The following RFC3 variants were observed in gnomAD, a reference collection of about 807,000 sequenced individuals.
The protein encoded by RFC3 is A1 38 kDa subunit.
RFC3 carries 41 observed loss-of-function variants against 45.1 expected under a neutral mutation model. The observed-to-expected ratio is 0.91, with a 90% confidence interval of 0.71 to 1.18. The LOEUF (loss-of-function observed/expected upper bound fraction) is 1.18. Ranked by LOEUF, RFC3 falls within the 50% of genes most tolerant of loss-of-function variation. RFC3 has a pLI of 0.00. For missense variants in RFC3, 423 were observed against 428.1 expected (o/e 0.99, Z 0.10); for synonymous variants, 149 against 144.0 (o/e 1.03, Z -0.25).
At chr13:33,860,192 G>C (rs568472067) in intron 8 of RFC3, among the ~76,000 whole-genome samples, 1 of 152,118 alleles carries the variant, frequency 6.6e-6, no homozygotes, top group East Asian at 1.9e-4. Context: ...TCCACCTGTG[G>C]CATTTTGTTT....
At chr13:33,939,473 G>A (rs1306131864) in intron 8 of RFC3, among the ~76,000 whole-genome samples, 3 of 152,200 alleles carry the variant, frequency 2.0e-5, no homozygotes, top group Non-Finnish European at 2.9e-5. Flanking sequence ...GGCTCTCTCT[G>A]TGTGACTCCC....
downstream of RFC3, among the ~76,000 whole-genome samples, chr13:33,970,909 A>T (rs1030132846): frequency 2.6e-5 from 4 of 152,200 alleles, no homozygotes; most frequent in East Asian, 1.9e-4. Flanking sequence ...AGCCAAAGAG[A>T]TGTCAGTCCT....
chr13:33,824,936 T>C (rs907937830), intron 3 of RFC3, among the ~76,000 whole-genome samples: 1 of 152,154 alleles, frequency 6.6e-6, no homozygotes, highest in Non-Finnish European at 1.5e-5. Context: ...GATTCTTGGC[T>C]AGGAAAATGA....
At chr13:33,886,324 A>T (rs145336487) in intron 8 of RFC3, among the ~76,000 whole-genome samples, 3,085 of 152,224 alleles carry the variant, frequency 0.02, 49 homozygotes, top group Middle Eastern at 0.068. Flanking sequence ...AGGTGGGAGG[A>T]TCACAAGGTC....
rs1566030747 is a variant in RFC3, at chr13:33,925,375, T to TATAGTGTACTATATACATAC, written c.880-40668_880-40649dup. 6.4e-3 allele frequency among the ~76,000 whole-genome samples: 772 copies of TATAGTGTACTATATACATAC among 121,308 alleles called. 25 individuals are homozygous for TATAGTGTACTATATACATAC. The highest frequency in any genetic ancestry group is 0.029 in the African/African-American group (675 of 22,994). The allele number at this position is 121,308 out of a possible 152,430, so 79.6% of individuals were successfully genotyped here. A position where few individuals can be genotyped will look rare whatever the true frequency, so the allele number is the denominator to read the frequency against. On this transcript the variant is annotated intron_variant, in intron 8 of 8. Coordinates refer to the RFC3 transcript ENST00000434425. ...ATATATAGTGTACTATATACATACATATAGTGTACTATATACATACATAGT... is the reference window on the plus strand; with the variant it reads ...ATATATAGTGTACTATATACATACATATAGTGTACTATATACATACATAGTGTACTATATACATACATAGT...
At chr13:33,863,864 A>G (rs555919446) in intron 8 of RFC3, among the ~76,000 whole-genome samples, 31 of 152,186 alleles carry the variant, frequency 2.0e-4, no homozygotes, top group Non-Finnish European at 3.7e-4. Flanking sequence ...TCTCCCAAAC[A>G]TCTCTCCCGA....
chr13:33,889,587 T>C (rs1473838458), intron 8 of RFC3, among the ~76,000 whole-genome samples: 1 of 152,214 alleles, frequency 6.6e-6, no homozygotes, highest in East Asian at 1.9e-4. Context: ...CTTTTCTAGC[T>C]ATCTTGAAAT....
chr13:33,971,600 A>G, the RFC3 span, among the ~76,000 whole-genome samples: 1 of 152,216 alleles, frequency 6.6e-6, no homozygotes, highest in Non-Finnish European at 1.5e-5. Flanking sequence ...ATGAAGAAGC[A>G]TGTTTGTCCT....
intron 8 of RFC3, among the ~76,000 whole-genome samples, chr13:33,899,461 G>A (rs926212152): frequency 5.3e-5 from 8 of 151,486 alleles, no homozygotes; most frequent in Admixed American, 2.0e-4. Flanking sequence ...TGCTAAAAAC[G>A]CATTTGATAA....
chr13:33,942,805 G>A (rs1479067867), intron 8 of RFC3, among the ~76,000 whole-genome samples: 2 of 152,062 alleles, frequency 1.3e-5, no homozygotes, highest in African/African-American at 4.8e-5. Context: ...TTTATGTAGT[G>A]AGTAGATTGA....
chr13:33,834,872 A>C (rs1321801091), intron 7 of RFC3, among the ~76,000 whole-genome samples: 1 of 152,156 alleles, frequency 6.6e-6, no homozygotes. Context: ...CTGAATATAG[A>C]CGTCTCATTT....
At chr13:33,923,482 G>A (rs1566029795) in intron 8 of RFC3, among the ~76,000 whole-genome samples, 1 of 152,090 alleles carries the variant, frequency 6.6e-6, no homozygotes, top group Non-Finnish European at 1.5e-5. Context: ...GAAAACTAGT[G>A]GATTCAGAAC....
At chr13:33,897,714 A>G (rs192700649) in intron 8 of RFC3, among the ~76,000 whole-genome samples, 218 of 152,208 alleles carry the variant, frequency 1.4e-3, no homozygotes, top group African/African-American at 4.8e-3. Flanking sequence ...AAAGTGAAGG[A>G]ATGGAAGAAG....
downstream of RFC3, among the ~76,000 whole-genome samples, chr13:33,971,432 A>G (rs560801529): frequency 7.0e-4 from 107 of 152,384 alleles, no homozygotes; most frequent in African/African-American, 2.3e-3. Context: ...GTTCATGCAG[A>G]AACATTTATC....
At chr13:33,835,961 G>T in intron 8 of RFC3, 143 bp from the exon 9 acceptor site, 1 of 885,466 alleles carries the variant, frequency 1.1e-6, no homozygotes, top group Non-Finnish European at 1.6e-6. Flanking sequence ...TTGGATGAAG[G>T]TCGTTGATTC....
At chr13:33,969,232 AAGG>A (rs2083100718), downstream of RFC3, among the ~76,000 whole-genome samples, 1 of 152,224 alleles carries the variant, frequency 6.6e-6, no homozygotes, top group Non-Finnish European at 1.5e-5. Context: ...GGGAATCAAT[AAGG>A]AGTAAGAATT....
At chr13:33,854,754 G>A (rs2082298161) in intron 8 of RFC3, among the ~76,000 whole-genome samples, 1 of 152,130 alleles carries the variant, frequency 6.6e-6, no homozygotes, top group Non-Finnish European at 1.5e-5. Flanking sequence ...GAGGTTCTGG[G>A]TATGCTTGAT....
chr13:33,934,957 G>C (rs1037655792), intron 8 of RFC3, among the ~76,000 whole-genome samples: 1 of 152,078 alleles, frequency 6.6e-6, no homozygotes, highest in Non-Finnish European at 1.5e-5. Context: ...CTCACATTGT[G>C]ATGCACCCTG....
intron 8 of RFC3, chr13:33,846,519 T>G (rs2082238162): frequency 6.6e-6 from 1 of 152,060 alleles, no homozygotes; most frequent in Non-Finnish European, 1.5e-5. Flanking sequence ...TCCCCTCTCC[T>G]CAAGTGGAGG....
Sources: allele counts gnomAD v4.1 joint callset (sites outside exome capture counted in the v4.1 genomes callset), GRCh38; gene constraint gnomAD v4.1.1; transcripts MANE v1.5; gene names NCBI Gene and HGNC (gene_info 2026-07-23, HGNC 2026-07-21).